Variants in PARP9 observed in about 807,000 individuals in gnomAD.
PARP9 encodes protein mono-ADP-ribosyltransferase PARP9.
In PARP9, 48 loss-of-function variants were observed where a neutral mutation model predicts 68.8. The observed-to-expected ratio is 0.70, with a 90% confidence interval of 0.55 to 0.89. PARP9 has a LOEUF of 0.89. Among genes scored for constraint, PARP9 ranks in the 40% least tolerant of loss-of-function variants. The pLI, the probability that PARP9 is intolerant of heterozygous loss-of-function variation, is 0.00. For missense variants in PARP9, 806 were observed against 969.3 expected, an observed-to-expected ratio of 0.83 and a Z score of 2.24; for synonymous variants, 309 against 333.8, an observed-to-expected ratio of 0.93 and a Z score of 0.81.
At chr3:122,564,479 C>T, upstream of PARP9, 1 of 1,612,866 alleles carries the variant, frequency 6.2e-7, no homozygotes, top group Non-Finnish European at 8.5e-7. Context: ...GTGTACAAGT[C>T]CGGCCCCCGA....
intron 1 of PARP9, among the ~76,000 whole-genome samples, chr3:122,561,932 C>T (rs1017546051): frequency 1.3e-5 from 2 of 152,150 alleles, no homozygotes; most frequent in African/African-American, 4.8e-5. Flanking sequence ...CCATCCCACC[C>T]CCACCAAATC....
At chr3:122,545,671 C>G (rs1358823116) in intron 6 of PARP9, 182 bp from the exon 7 acceptor site, 2 of 587,490 alleles carry the variant, frequency 3.4e-6, no homozygotes, top group African/African-American at 3.7e-5. Context: ...TCTATTAGAA[C>G]ACGGAAAGAA....
In PARP9 at chr3:122,537,976, T is replaced by C. The variant is rs531544948; in HGVS notation, c.1766-903A>G. 1.3e-3 allele frequency among the ~76,000 whole-genome samples: 205 copies of C among 152,334 alleles called. 1 individual carries two copies. The highest frequency in any genetic ancestry group is 4.9e-3 in the African/African-American group (202 of 41,566). The stretch of plus-strand genomic sequence containing the variant: ...GTTTTCTCTTGGTTTACTTTTAGTT[T>C]GACTTAAGACCAAGTATACTAAAAT... On this transcript the variant is annotated intron_variant, in intron 8 of 10. Coordinates refer to ENST00000682323, the MANE Select transcript of PARP9 (RefSeq NM_001146105.2).
At chr3:122,530,379 TG>T (rs1241215411) in intron 10 of PARP9, among the ~76,000 whole-genome samples, 6 of 152,208 alleles carry the variant, frequency 3.9e-5, no homozygotes, top group Admixed American at 3.3e-4. Flanking sequence ...TCCACGTGCA[TG>T]TTATCTAGGT....
chr3:122,564,354 T>G, upstream of PARP9: 1 of 1,489,600 alleles, frequency 6.7e-7, no homozygotes, highest in South Asian at 1.3e-5. Flanking sequence ...TTGCGCCCAG[T>G]CCGCAGGGCG....
In PARP9 at chr3:122,540,502, TCC is replaced by T; in HGVS notation, c.1733_1734del (p.Arg578LysfsTer49). 6.2e-7 allele frequency: 1 copy of T among 1,613,990 alleles called. No homozygotes were observed. The highest frequency in any genetic ancestry group is 1.3e-5 in the African/African-American group (1 of 75,062). ...MLCKVQEEMA[R>X]KKERGLWRSL... The stretch of plus-strand genomic sequence containing the variant: ...GAGCGCCAAAGGCCTCGCTCCTTTT[TCC>T]TTGCCATTTCCTCCTGTACTTTACA... On this transcript the variant is annotated frameshift_variant, in exon 8 of 11. Transcript: ENST00000682323. LOFTEE classifies it high-confidence loss of function.
chr3:122,561,930 C>A (rs1324376433), intron 1 of PARP9, among the ~76,000 whole-genome samples: 3 of 152,120 alleles, frequency 2.0e-5, no homozygotes, highest in Admixed American at 6.5e-5. Context: ...CTCCATCCCA[C>A]CCCCACCAAA....
At chr3:122,536,481 A>T in intron 9 of PARP9, 139 bp from the exon 10 acceptor site, 2 of 1,401,630 alleles carry the variant, frequency 1.4e-6, no homozygotes, top group Non-Finnish European at 9.4e-7. Flanking sequence ...AGAAAGTTGC[A>T]AAAGAGTCTC....
upstream of PARP9, chr3:122,564,395 G>A (rs1360113575): frequency 1.9e-6 from 3 of 1,585,970 alleles, no homozygotes; most frequent in Admixed American, 1.9e-5. Flanking sequence ...GCTGCCTCCC[G>A]GAGCCCCCGC....
chr3:122,536,145 A>G lies in PARP9; in HGVS notation c.2080+23T>C, dbSNP rs1391942792. 1.9e-6 allele frequency: 3 copies of G among 1,614,174 alleles called. No individual in the cohort carries two copies. The East Asian group carries it at 6.7e-5, about 36-fold the overall frequency. ...TCACCAAATTCCACAGAGTAGCCCC[A>G]ATGATGAGGCATTGACACCTACCGC... On this transcript the variant is annotated intron_variant, in intron 10 of 10. Transcript: ENST00000682323.
At chr3:122,542,043 C>T (rs2107621746) in intron 7 of PARP9, among the ~76,000 whole-genome samples, 1 of 152,016 alleles carries the variant, frequency 6.6e-6, no homozygotes, top group East Asian at 1.9e-4. Context: ...AGAAGTAACC[C>T]AGGTTTTATA....
chr3:122,562,937 A>G (rs1380340658), intron 1 of PARP9, among the ~76,000 whole-genome samples: 8 of 152,228 alleles, frequency 5.3e-5, no homozygotes, highest in Admixed American at 5.2e-4. Context: ...AGGGGCTAAT[A>G]TATCAATGGG....
At chr3:122,549,548 A>C (rs954919219) in intron 6 of PARP9, among the ~76,000 whole-genome samples, 1 of 152,190 alleles carries the variant, frequency 6.6e-6, no homozygotes, top group African/African-American at 2.4e-5. Flanking sequence ...TGGGAGGCTG[A>C]GATGGGAAGA....
chr3:122,534,339 A>G (rs1390807529), intron 10 of PARP9: 29 of 985,300 alleles, frequency 2.9e-5, no homozygotes, highest in Non-Finnish European at 3.5e-5. Flanking sequence ...GAACCTGGAA[A>G]TAGCCAAGGG....
At position 122,540,533 on chromosome 3, in the gene PARP9, C is replaced by A; in HGVS notation, c.1704G>T (p.Met568Ile). Residue 568 changes from methionine (M) to isoleucine (I), a missense_variant, in exon 8 of 11, where the codon ATG (methionine) becomes ATT (isoleucine). By Grantham distance (10) the Met-to-Ile change is conservative. This residue lies in a region of PARP9 where 680 missense variants were observed against 858.8 expected (regional missense o/e 0.79). Coordinates refer to ENST00000682323, the MANE Select transcript of PARP9 (RefSeq NM_001146105.2). ...LIEVVMNIEDMLCKVQEEMAR... is the reference protein window; with the variant it reads ...LIEVVMNIEDILCKVQEEMAR... ...CCATTTCCTCCTGTACTTTACAAAGCATATCTTCAATGTTCATAACCACCT... is the reference window on the plus strand; with the variant it reads ...CCATTTCCTCCTGTACTTTACAAAGAATATCTTCAATGTTCATAACCACCT... 1 of 1,614,202 alleles carries A rather than the reference C, an allele frequency of 6.2e-7. No homozygotes were observed. The highest frequency in any genetic ancestry group is 1.1e-5 in the South Asian group (1 of 91,082).
In PARP9 at chr3:122,559,662, T is replaced by C; in HGVS notation, c.-42A>G. 6.4e-7 allele frequency: 1 copy of C among 1,565,516 alleles called. No homozygotes were observed. The highest frequency in any genetic ancestry group is 8.6e-7 in the Non-Finnish European group (1 of 1,157,890). On this transcript the variant is annotated 5_prime_UTR_variant, in exon 2 of 11. Transcript: ENST00000682323. ...GGAGTCTTTAAATGTTTATTCCCTT[T>C]TGCGCTTCAAAGCATAGACTGTAGT...
At chr3:122,554,306 C>T (rs748177779) in intron 4 of PARP9, among the ~76,000 whole-genome samples, 12 of 152,150 alleles carry the variant, frequency 7.9e-5, no homozygotes, top group Non-Finnish European at 1.3e-4. Context: ...GTCCACTATA[C>T]TCCACTCTTG....
intron 10 of PARP9, among the ~76,000 whole-genome samples, chr3:122,529,911 C>T (rs893063251): frequency 1.3e-5 from 2 of 152,078 alleles, no homozygotes. Context: ...AATATGTCAT[C>T]TGGGCCCGGT....
intron 1 of PARP9, among the ~76,000 whole-genome samples, chr3:122,563,881 T>G (rs1056762863): frequency 1.3e-5 from 2 of 152,096 alleles, no homozygotes; most frequent in Non-Finnish European, 2.9e-5. Context: ...AATTCAGTGC[T>G]GTTGGTTAAA....
Sources: allele counts gnomAD v4.1 joint callset (sites outside exome capture counted in the v4.1 genomes callset), GRCh38; gene constraint gnomAD v4.1.1; regional missense constraint gnomAD v4.1.1; transcripts MANE v1.5; gene names NCBI Gene and HGNC (gene_info 2026-07-23, HGNC 2026-07-21).